Variants in PHLDB2 observed in about 807,000 individuals in gnomAD.
The protein encoded by PHLDB2 is pleckstrin homology like domain family B member 2.
PHLDB2 carries 71 observed loss-of-function variants against 123.6 expected under a neutral mutation model. That is an observed-to-expected ratio of 0.57 (90% CI 0.47 to 0.70). The LOEUF is 0.70. Ranked by LOEUF, PHLDB2 falls within the 30% of genes least tolerant of loss-of-function variation. The probability of loss-of-function intolerance (pLI) is 0.00; values close to 1 mark genes in which losing one functional copy is unlikely to be tolerated. For missense variants in PHLDB2, 1,446 were observed against 1,519.5 expected (o/e 0.95, Z 0.80); for synonymous variants, 547 against 541.6 (o/e 1.01, Z -0.14).
At chr3:111,781,858 A>G (rs552380900) in intron 1 of PHLDB2, among the ~76,000 whole-genome samples, 4 of 152,184 alleles carry the variant, frequency 2.6e-5, no homozygotes, top group East Asian at 3.9e-4. Flanking sequence ...AGTGGTTCCT[A>G]TACTCCCTTT....
At chr3:111,875,748 T>G (rs1576966379) in intron 1 of PHLDB2, among the ~76,000 whole-genome samples, 1 of 149,978 alleles carries the variant, frequency 6.7e-6, no homozygotes, top group East Asian at 2.0e-4. Flanking sequence ...GCTTGAACCT[T>G]GGAGGCGGAG....
chr3:111,855,927 G>A (rs2064481681), upstream of PHLDB2, among the ~76,000 whole-genome samples: 1 of 151,996 alleles, frequency 6.6e-6, no homozygotes, highest in Admixed American at 6.6e-5. Context: ...CATTGAGCCT[G>A]GACTGAATTT....
At chr3:111,741,386 T>C (rs1223247069) in intron 1 of PHLDB2, among the ~76,000 whole-genome samples, 2 of 152,168 alleles carry the variant, frequency 1.3e-5, no homozygotes. Flanking sequence ...CACTGCCCAC[T>C]AGGCCAAAAG....
At chr3:111,756,038 CT>C (rs983794866) in intron 1 of PHLDB2, among the ~76,000 whole-genome samples, 14 of 152,022 alleles carry the variant, frequency 9.2e-5, no homozygotes, top group African/African-American at 2.9e-4. Context: ...AATTTCTGTT[CT>C]TTTACATTTG....
At position 111,845,797 on chromosome 3, in the gene PHLDB2, C is replaced by A. The variant is rs368997068; in HGVS notation, c.-48-24C>A. 2.5e-6 allele frequency: 4 copies of A among 1,611,106 alleles called. No homozygotes were observed. The East Asian group carries it at 6.7e-5, about 27-fold the overall frequency. ...TCAATTCAGCTTTCCAATCATGGTACCTCTCTTTTCTTGCTGTGTGCAGGC... is the reference window on the plus strand; with the variant it reads ...TCAATTCAGCTTTCCAATCATGGTAACTCTCTTTTCTTGCTGTGTGCAGGC... On this transcript the variant is annotated intron_variant, in intron 1 of 17. Coordinates refer to the PHLDB2 transcript ENST00000393923.
rs149404851 is a variant in PHLDB2, at chr3:111,945,248, T to A, written c.2398-20T>A. 1 of 1,545,146 alleles carries A rather than the reference T, an allele frequency of 6.5e-7. No homozygotes were observed. Among genetic ancestry groups the A allele is most frequent in the Non-Finnish European group, 8.9e-7 (1 of 1,123,268 alleles). ...ATCGAAGGTTGACTTTTAAGTTTAA[T>A]AGGTTTTGTATTCCTTCAGGAAAAG... On this transcript the variant is annotated intron_variant, in intron 8 of 17. Coordinates refer to ENST00000431670, the MANE Select transcript of PHLDB2 (RefSeq NM_001134438.2).
At chr3:111,930,669 T>A (rs979426048) in intron 5 of PHLDB2, among the ~76,000 whole-genome samples, 1 of 152,238 alleles carries the variant, frequency 6.6e-6, no homozygotes, top group Non-Finnish European at 1.5e-5. Flanking sequence ...ATATTCAGTT[T>A]AACTATGGAT....
At chr3:111,774,758 C>T (rs779036723) in intron 1 of PHLDB2, among the ~76,000 whole-genome samples, 1 of 152,100 alleles carries the variant, frequency 6.6e-6, no homozygotes, top group Non-Finnish European at 1.5e-5. Flanking sequence ...TTAATTTAAA[C>T]AGAGGGTTGC....
chr3:111,767,952 G>C (rs2060110481), intron 1 of PHLDB2, among the ~76,000 whole-genome samples: 2 of 152,124 alleles, frequency 1.3e-5, no homozygotes, highest in South Asian at 4.1e-4. Flanking sequence ...GAAGCAGGTA[G>C]AAATTGTTAA....
intron 1 of PHLDB2, among the ~76,000 whole-genome samples, chr3:111,879,555 G>A (rs1031785661): frequency 7.2e-5 from 11 of 152,158 alleles, no homozygotes; most frequent in African/African-American, 2.2e-4. Context: ...AAGTGGAGGA[G>A]GTAGAAGGGG....
At chr3:111,766,318 C>T (rs2060079726) in intron 1 of PHLDB2, among the ~76,000 whole-genome samples, 1 of 151,868 alleles carries the variant, frequency 6.6e-6, no homozygotes, top group South Asian at 2.1e-4. Flanking sequence ...TGGTATGCAC[C>T]TGTAATCCCA....
chr3:111,829,266 A>G (rs2062815436), intron 1 of PHLDB2, among the ~76,000 whole-genome samples: 1 of 152,048 alleles, frequency 6.6e-6, no homozygotes, highest in Admixed American at 6.5e-5. Context: ...AAAGAGTTGG[A>G]TGGATTGTTC....
At chr3:111,739,056 A>G (rs1335596633) in intron 1 of PHLDB2, among the ~76,000 whole-genome samples, 1 of 152,208 alleles carries the variant, frequency 6.6e-6, no homozygotes, top group African/African-American at 2.4e-5. Flanking sequence ...TAACATCTCT[A>G]ATGTCTTCTC....
chr3:111,928,019 C>T (rs950758250), intron 5 of PHLDB2, among the ~76,000 whole-genome samples: 1 of 152,150 alleles, frequency 6.6e-6, no homozygotes, highest in Non-Finnish European at 1.5e-5. Flanking sequence ...ATTGGCAACT[C>T]GTGTGCAAGT....
intron 1 of PHLDB2, among the ~76,000 whole-genome samples, chr3:111,751,057 T>C (rs1453515584): frequency 6.6e-6 from 1 of 152,156 alleles, no homozygotes; most frequent in African/African-American, 2.4e-5. Context: ...GGTAATCATT[T>C]TCATCTGGAA....
At chr3:111,952,144 C>CTT (rs2070751747) in intron 10 of PHLDB2, among the ~76,000 whole-genome samples, 1 of 124,822 alleles carries the variant, frequency 8.0e-6, no homozygotes, top group South Asian at 2.3e-4. Flanking sequence ...CCTGTTTACT[C>CTT]GCTTTTTCTC....
chr3:111,775,139 T>C (rs550284214), intron 1 of PHLDB2, among the ~76,000 whole-genome samples: 2 of 152,238 alleles, frequency 1.3e-5, no homozygotes, highest in South Asian at 4.2e-4. Context: ...TCTACAGATA[T>C]CTCATGTCAT....
chr3:111,732,717 C>G (rs1008085092), intron 1 of PHLDB2: 2 of 1,528,254 alleles, frequency 1.3e-6, no homozygotes, highest in Non-Finnish European at 1.8e-6. Flanking sequence ...GGTGATCTCT[C>G]TGGTCACTGG....
At chr3:111,817,045 A>G (rs1576717259) in intron 1 of PHLDB2, among the ~76,000 whole-genome samples, 1 of 152,158 alleles carries the variant, frequency 6.6e-6, no homozygotes, top group South Asian at 2.1e-4. Context: ...CTTGTCTTTC[A>G]CCTTCCACCA....
Sources: gnomAD v4.1 joint callset for allele counts (sites outside exome capture counted in the v4.1 genomes callset) on GRCh38, gnomAD v4.1.1 for gene constraint, MANE v1.5 for transcripts, NCBI Gene and HGNC (gene_info 2026-07-23, HGNC 2026-07-21) for gene names.